Variants in PTPRN2 observed in about 807,000 individuals in gnomAD.
The protein encoded by PTPRN2 is receptor-type tyrosine-protein phosphatase N2.
In PTPRN2, 74 loss-of-function variants were observed where a neutral mutation model predicts 118.8. That is an observed-to-expected ratio of 0.62 (90% CI 0.52 to 0.76). The LOEUF (loss-of-function observed/expected upper bound fraction) is 0.76, where lower values mean the gene tolerates loss of function less well. Among genes scored for constraint, PTPRN2 ranks in the 30% least tolerant of loss-of-function variants. The probability of loss-of-function intolerance (pLI) is 0.00; values close to 1 mark genes in which losing one functional copy is unlikely to be tolerated. For missense variants in PTPRN2, 1,481 were observed against 1,394.4 expected, an observed-to-expected ratio of 1.06 and a Z score of -0.99; for synonymous variants, 641 against 608.0, an observed-to-expected ratio of 1.05 and a Z score of -0.80.
At chr7:157,649,067 C>T (rs1282270647) in intron 14 of PTPRN2, among the ~76,000 whole-genome samples, 16 of 128,514 alleles carry the variant, frequency 1.2e-4, no homozygotes, top group Non-Finnish European at 2.0e-4. Context: ...GCACTGAACT[C>T]GGTGGGTCAG....
At chr7:158,581,233 G>A (rs1828609526) in intron 1 of PTPRN2, among the ~76,000 whole-genome samples, 1 of 152,222 alleles carries the variant, frequency 6.6e-6, no homozygotes, top group Non-Finnish European at 1.5e-5. Flanking sequence ...CCCACCAGGT[G>A]TCCTGTGGTA....
chr7:157,578,095 G>A lies in PTPRN2; in HGVS notation c.2542C>T (p.Leu848Phe). Residue 848 changes from leucine (L) to phenylalanine (F), a missense_variant, in exon 18 of 23, where the codon CTC (leucine) becomes TTC (phenylalanine). Leu to Phe is a conservative substitution (Grantham distance 22). This residue lies in a region of PTPRN2 where 362 missense variants were observed against 384.1 expected (regional missense o/e 0.94). Coordinates refer to ENST00000389418, the MANE Select transcript of PTPRN2 (RefSeq NM_002847.5). ...GCVVIVMLTP[L>F]AENGVRQCYH... ...CACTGCCGGACGCCGTTCTCCGCGAGGGGTGTCAGCATGACGATCACCACG... is the reference window on the plus strand; with the variant it reads ...CACTGCCGGACGCCGTTCTCCGCGAAGGGTGTCAGCATGACGATCACCACG... 2 of 1,613,496 alleles carry A rather than the reference G, an allele frequency of 1.2e-6. No individual in the cohort carries two copies. Among genetic ancestry groups the A allele is most frequent in the Non-Finnish European group, 1.7e-6 (2 of 1,179,766 alleles).
At chr7:157,792,365 G>GC (rs1374386622) in intron 12 of PTPRN2, among the ~76,000 whole-genome samples, 1 of 152,238 alleles carries the variant, frequency 6.6e-6, no homozygotes, top group Non-Finnish European at 1.5e-5. Context: ...GCTCCCCGGG[G>GC]CCACCTCTCC....
chr7:157,549,972 A>G (rs950748375), intron 21 of PTPRN2, among the ~76,000 whole-genome samples: 1 of 152,164 alleles, frequency 6.6e-6, no homozygotes, highest in African/African-American at 2.4e-5. Flanking sequence ...GACGCGGCCA[A>G]TGGCATGTCC....
chr7:158,435,435 A>AG (rs1252397428), intron 2 of PTPRN2, among the ~76,000 whole-genome samples: 24 of 152,114 alleles, frequency 1.6e-4, no homozygotes, highest in Non-Finnish European at 1.5e-5. Flanking sequence ...ACCTATTATC[A>AG]GAAAAAAAAA....
chr7:158,300,304 G>T, intron 3 of PTPRN2, among the ~76,000 whole-genome samples: 1 of 152,184 alleles, frequency 6.6e-6, no homozygotes, highest in South Asian at 2.1e-4. Context: ...TAAAGCAAAC[G>T]GCCAAAGGTC....
At chr7:157,809,812 C>T (rs1805869936) in intron 12 of PTPRN2, among the ~76,000 whole-genome samples, 1 of 152,198 alleles carries the variant, frequency 6.6e-6, no homozygotes, top group Non-Finnish European at 1.5e-5. Flanking sequence ...TTTGAAGCCA[C>T]CCAGTTTGTG....
rs958554931 is a variant in PTPRN2 at position 157,734,327 on chromosome 7, C to G, written c.1789-51390G>C. Among the ~76,000 whole-genome samples the G allele has an allele frequency of 1.5e-3, 222 of 149,972 alleles. 1 individual carries two copies. The highest frequency in any genetic ancestry group is 5.1e-3 in the African/African-American group (209 of 40,980). On this transcript the variant is annotated intron_variant, in intron 12 of 22. Coordinates refer to ENST00000389418, the MANE Select transcript of PTPRN2 (RefSeq NM_002847.5). ...TTACTCTTCCGTCCCATGCACCCAGCGCAGTTACTCTTTTCCATTCCATGC... is the reference window on the plus strand; with the variant it reads ...TTACTCTTCCGTCCCATGCACCCAGGGCAGTTACTCTTTTCCATTCCATGC...
At chr7:158,165,315 G>A (rs1822860324) in intron 6 of PTPRN2, among the ~76,000 whole-genome samples, 1 of 152,232 alleles carries the variant, frequency 6.6e-6, no homozygotes, top group African/African-American at 2.4e-5. Context: ...CCCAGAGGGA[G>A]AGGTGCTGGA....
chr7:158,149,231 C>G (rs771530234), intron 6 of PTPRN2, among the ~76,000 whole-genome samples: 1 of 151,908 alleles, frequency 6.6e-6, no homozygotes, highest in Non-Finnish European at 1.5e-5. Context: ...GCTCTCCAAG[C>G]TGGCACCAAT....
intron 13 of PTPRN2, among the ~76,000 whole-genome samples, chr7:157,658,891 G>C (rs1010936345): frequency 1.1e-4 from 17 of 152,074 alleles, no homozygotes; most frequent in African/African-American, 4.1e-4. Flanking sequence ...GGTGGTGTCC[G>C]GGGGAGGCCA....
Position 158,546,490 on chromosome 7 carries a change from G to A in PTPRN2, c.112+41068C>T, listed in dbSNP as rs944014216. On this transcript the variant is annotated intron_variant, in intron 1 of 22. Coordinates refer to ENST00000389418, the MANE Select transcript of PTPRN2 (RefSeq NM_002847.5). This position sits in a 1 kb window ranked among gnomAD's most constrained non-coding sequence, Gnocchi z 5.0. ...GGAGGCAAGCCCCAGTGTCCCAGGC[G>A]CCATGATGTCTAAGTGACTATAGGG... 1.3e-5 allele frequency among the ~76,000 whole-genome samples: 2 copies of A among 152,200 alleles called. No homozygotes were observed. Among genetic ancestry groups the A allele is most frequent in the African/African-American group, 4.8e-5 (2 of 41,464 alleles).
chr7:157,604,642 G>A (rs1801893389), intron 15 of PTPRN2, among the ~76,000 whole-genome samples: 1 of 152,202 alleles, frequency 6.6e-6, no homozygotes, highest in South Asian at 2.1e-4. Flanking sequence ...AAGATTACTG[G>A]AATTTAGTTT....
At chr7:158,445,117 TC>T (rs1397249779) in intron 2 of PTPRN2, among the ~76,000 whole-genome samples, 3 of 152,110 alleles carry the variant, frequency 2.0e-5, no homozygotes, top group Non-Finnish European at 4.4e-5. Flanking sequence ...AAGAGCCTCC[TC>T]CCAGGCATGT....
At chr7:158,277,817 C>G (rs1029434192) in intron 3 of PTPRN2, among the ~76,000 whole-genome samples, 13 of 152,224 alleles carry the variant, frequency 8.5e-5, no homozygotes, top group African/African-American at 3.1e-4. Flanking sequence ...CTCCTCCCAC[C>G]TGGGGAGAGG....
chr7:157,774,921 A>G (rs1384219690), intron 12 of PTPRN2, among the ~76,000 whole-genome samples: 1 of 152,188 alleles, frequency 6.6e-6, no homozygotes, highest in Admixed American at 6.5e-5. Flanking sequence ...GTCAAGGAAC[A>G]TGGTCTCTTC....
chr7:158,126,765 A>C (rs1157055873), intron 9 of PTPRN2, among the ~76,000 whole-genome samples: 1 of 152,174 alleles, frequency 6.6e-6, no homozygotes, highest in Non-Finnish European at 1.5e-5. Flanking sequence ...CACATCTCAC[A>C]GTGAGCCGAG....
chr7:158,539,811 A>G, intron 1 of PTPRN2: 1 of 243,448 alleles, frequency 4.1e-6, no homozygotes, highest in South Asian at 3.9e-5. Flanking sequence ...ACATACTGTG[A>G]GCCTGGAGCT....
At chr7:158,356,518 C>T (rs1434770569) in intron 2 of PTPRN2, among the ~76,000 whole-genome samples, 1 of 152,096 alleles carries the variant, frequency 6.6e-6, no homozygotes, top group African/African-American at 2.4e-5. Flanking sequence ...TAATCAAAAA[C>T]AACAGTGGTG....
Sources: gnomAD v4.1 joint callset for allele counts (sites outside exome capture counted in the v4.1 genomes callset) on GRCh38, gnomAD v4.1.1 for gene constraint, gnomAD v4.1.1 regional missense constraint, Gnocchi (gnomAD v3.1) non-coding constraint, MANE v1.5 for transcripts, NCBI Gene and HGNC (gene_info 2026-07-23, HGNC 2026-07-21) for gene names.